Variants in TRHDE observed in about 807,000 individuals in gnomAD.
The protein encoded by TRHDE is thyrotropin-releasing hormone-degrading ectoenzyme.
In TRHDE, 72 loss-of-function variants were observed where a neutral mutation model predicts 125.7. The observed-to-expected ratio is 0.57, with a 90% CI of 0.47 to 0.70. The LOEUF (loss-of-function observed/expected upper bound fraction) is 0.70. TRHDE is among the 30% of genes least tolerant of loss of function. The pLI is 0.00. For synonymous variants in TRHDE, 509 were observed against 509.1 expected (o/e 1.00, Z 0.00); for missense variants, 1,110 against 1,327.1 (o/e 0.84, Z 2.54).
At chr12:72,589,026 C>G (rs1194726857) in intron 12 of TRHDE, among the ~76,000 whole-genome samples, 2 of 152,184 alleles carry the variant, frequency 1.3e-5, no homozygotes, top group Non-Finnish European at 1.5e-5. Flanking sequence ...ATTCAATTAC[C>G]TCGCACTAGG....
intron 7 of TRHDE, among the ~76,000 whole-genome samples, chr12:72,561,050 G>T (rs1031469553): frequency 6.6e-6 from 1 of 152,144 alleles, no homozygotes; most frequent in African/African-American, 2.4e-5. Context: ...TTTTAACAAA[G>T]TTATTCATAA....
At chr12:72,369,119 C>G (rs920502598) in intron 2 of TRHDE, among the ~76,000 whole-genome samples, 2 of 152,094 alleles carry the variant, frequency 1.3e-5, no homozygotes, top group African/African-American at 4.8e-5. Flanking sequence ...TACTTAAAAT[C>G]TATAAAGAGA....
Position 72,617,264 on chromosome 12 carries a change from A to G in TRHDE, c.2322-1627A>G, listed in dbSNP as rs193291287. The stretch of plus-strand genomic sequence containing the variant: ...ATGAACCTGTGGTTGATCTTGTACT[A>G]TGGTTGAATCAAAATCGTTAGAGTG... On this transcript the variant is annotated intron_variant, in intron 12 of 18. Coordinates refer to ENST00000261180, the MANE Select transcript of TRHDE (RefSeq NM_013381.3). Among the ~76,000 whole-genome samples the G allele has an allele frequency of 2.4e-3, 359 of 152,218 alleles. 1 individual carries two copies. Among genetic ancestry groups the G allele is most frequent in the African/African-American group, 8.0e-3 (334 of 41,540 alleles).
At chr12:72,658,803 G>A (rs1388739410) in intron 18 of TRHDE, among the ~76,000 whole-genome samples, 1 of 152,120 alleles carries the variant, frequency 6.6e-6, no homozygotes, top group Non-Finnish European at 1.5e-5. Context: ...GTCTCTAAGT[G>A]GCATGAGGAA....
chr12:72,277,595 A>G (rs576031699), intron 1 of TRHDE, among the ~76,000 whole-genome samples: 72 of 152,244 alleles, frequency 4.7e-4, no homozygotes, highest in African/African-American at 1.7e-3. Flanking sequence ...TGTCAGGCTC[A>G]CATAACCATA....
intron 2 of TRHDE, among the ~76,000 whole-genome samples, chr12:72,113,440 T>C (rs1373262322): frequency 6.6e-6 from 1 of 150,836 alleles, no homozygotes. Context: ...GCCTGGCCAA[T>C]ATGGCGAAAC....
intron 8 of TRHDE, 55 bp from the exon 9 acceptor site, chr12:72,562,795 TTAA>T (rs1870241795): frequency 3.6e-6 from 4 of 1,124,558 alleles, no homozygotes; most frequent in Admixed American, 2.7e-5. Context: ...TGTCTTAATG[TTAA>T]TAATGTTGAT....
chr12:72,593,930 G>T (rs1477989097), intron 12 of TRHDE, among the ~76,000 whole-genome samples: 4 of 152,112 alleles, frequency 2.6e-5, no homozygotes, highest in African/African-American at 9.7e-5. Context: ...GGACATTTGG[G>T]TTGGTTCCAA....
intron 12 of TRHDE, among the ~76,000 whole-genome samples, chr12:72,594,744 C>T (rs955375301): frequency 6.6e-6 from 1 of 151,916 alleles, no homozygotes; most frequent in South Asian, 2.1e-4. Flanking sequence ...TAACATTTGA[C>T]CCAGCCATCC....
intron 2 of TRHDE, among the ~76,000 whole-genome samples, chr12:72,139,063 G>T (rs1437987715): frequency 1.3e-5 from 2 of 152,184 alleles, no homozygotes; most frequent in Non-Finnish European, 1.5e-5. Flanking sequence ...CTAACTAGGG[G>T]TTACCATGGT....
chr12:72,631,003 C>G (rs1332552634), intron 15 of TRHDE, among the ~76,000 whole-genome samples: 2 of 149,106 alleles, frequency 1.3e-5, no homozygotes, highest in Non-Finnish European at 3.0e-5. Context: ...ATTATGAAAT[C>G]AAATAGAAAA....
chr12:72,454,251 A>T (rs756822275), intron 3 of TRHDE, among the ~76,000 whole-genome samples: 1 of 152,224 alleles, frequency 6.6e-6, no homozygotes, highest in Non-Finnish European at 1.5e-5. Flanking sequence ...ATGGGATAAA[A>T]TGGAGTATAA....
rs79849736 is a variant in TRHDE, at chr12:72,104,353, C to T, written n.175-1295C>T. The stretch of plus-strand genomic sequence containing the variant: ...TGTGTGTGGCTTGGGTCATCTCTTG[C>T]TTCTGAAAGAGAGAATAGAGAGGGT... On this transcript the variant is annotated intron_variant and non_coding_transcript_variant, in intron 1 of 4. Coordinates refer to the TRHDE transcript ENST00000548156. Among the ~76,000 whole-genome samples, 379 of 152,202 alleles carry T rather than the reference C, an allele frequency of 2.5e-3. 2 individuals are homozygous for T. Among genetic ancestry groups the T allele is most frequent in the Non-Finnish European group, 4.1e-3 (280 of 68,016 alleles).
chr12:72,363,389 G>A (rs376904789), intron 2 of TRHDE, among the ~76,000 whole-genome samples: 14 of 151,698 alleles, frequency 9.2e-5, no homozygotes, highest in South Asian at 2.1e-4. Flanking sequence ...CTGGCAAACC[G>A]AATCCAGCAG....
At chr12:72,607,572 C>G (rs1872499275) in intron 12 of TRHDE, among the ~76,000 whole-genome samples, 1 of 152,154 alleles carries the variant, frequency 6.6e-6, no homozygotes, top group South Asian at 2.1e-4. Context: ...AGTTTCAAAA[C>G]TAATGAGCCA....
chr12:72,110,223 T>C lies in TRHDE; in HGVS notation n.279+4471T>C, dbSNP rs1384850435. Among the ~76,000 whole-genome samples, 3 of 152,108 alleles carry C rather than the reference T, an allele frequency of 2.0e-5. No individual in the cohort carries two copies. In the East Asian group the frequency reaches 5.8e-4, roughly 29 times the overall value. On this transcript the variant is annotated intron_variant and non_coding_transcript_variant, in intron 2 of 4. Coordinates refer to the TRHDE transcript ENST00000548156. ...CCTATATAATAATTTTACTAAACTT[T>C]TGTGTAAAACTTGATTACTCCAAGC...
intron 3 of TRHDE, among the ~76,000 whole-genome samples, chr12:72,448,880 C>T (rs1279972233): frequency 6.6e-6 from 1 of 151,488 alleles, no homozygotes; most frequent in East Asian, 1.9e-4. Flanking sequence ...ATAACTTAAG[C>T]TAACTCTGCA....
chr12:72,415,590 T>A (rs984669406), intron 3 of TRHDE, among the ~76,000 whole-genome samples: 2 of 151,884 alleles, frequency 1.3e-5, no homozygotes, highest in Non-Finnish European at 2.9e-5. Flanking sequence ...TCTCTCTCCA[T>A]GAGTTCATTT....
At chr12:72,274,926 C>T (rs1879425815) in intron 1 of TRHDE, 1 of 152,198 alleles carries the variant, frequency 6.6e-6, no homozygotes, top group Admixed American at 6.5e-5. Flanking sequence ...GATTCTTGTT[C>T]TTTGCTCTAA....
Sources: gnomAD v4.1 joint callset for allele counts (sites outside exome capture counted in the v4.1 genomes callset) on GRCh38, gnomAD v4.1.1 for gene constraint, MANE v1.5 for transcripts, NCBI Gene and HGNC (gene_info 2026-07-23, HGNC 2026-07-21) for gene names.